DLGAP1: variants seen among roughly 807,000 people sequenced by gnomAD.
DLGAP1 encodes the protein disks large-associated protein 1.
In DLGAP1, 11 loss-of-function variants were observed where a neutral mutation model predicts 90.8. The observed-to-expected ratio is 0.12, with a 90% CI of 0.08 to 0.20. The LOEUF (loss-of-function observed/expected upper bound fraction) is 0.20, where lower values mean the gene tolerates loss of function less well. Ranked by LOEUF, DLGAP1 falls within the 10% of genes least tolerant of loss-of-function variation. The pLI is 1.00. For synonymous variants in DLGAP1, 558 were observed against 540.7 expected, an observed-to-expected ratio of 1.03 and a Z score of -0.44; for missense variants, 1,050 against 1,333.8, an observed-to-expected ratio of 0.79 and a Z score of 3.31.
rs77311335 is a variant in DLGAP1 at position 4,389,811 on chromosome 18, G to A, written c.-267+65195C>T. Among the ~76,000 whole-genome samples the A allele has an allele frequency of 2.6e-3, 392 of 152,214 alleles. 17 individuals carry two copies. The East Asian group carries it at 0.072, about 28-fold the overall frequency. On this transcript the variant is annotated intron_variant, in intron 1 of 12. Coordinates refer to ENST00000315677, the MANE Select transcript of DLGAP1 (RefSeq NM_004746.4). Reference sequence around the variant, plus strand: ...TATTCTGTGTCACGAGTTTGCTGTTGGCACACAATGACGTCTATTAAGATG... The same window carrying A: ...TATTCTGTGTCACGAGTTTGCTGTTAGCACACAATGACGTCTATTAAGATG...
chr18:3,640,746 A>G (rs1225739437), intron 7 of DLGAP1, among the ~76,000 whole-genome samples: 2 of 152,232 alleles, frequency 1.3e-5, no homozygotes, highest in African/African-American at 4.8e-5. Flanking sequence ...AGCAAACCTT[A>G]TGTCTGCTTA....
intron 1 of DLGAP1, among the ~76,000 whole-genome samples, chr18:4,227,098 A>G (rs2078207857): frequency 6.6e-6 from 1 of 152,056 alleles, no homozygotes; most frequent in Admixed American, 6.6e-5. Context: ...AAAACTATAA[A>G]AAAGAGAAAA....
At chr18:3,599,715 G>A (rs1388105098) in intron 7 of DLGAP1, among the ~76,000 whole-genome samples, 1 of 152,136 alleles carries the variant, frequency 6.6e-6, no homozygotes, top group Non-Finnish European at 1.5e-5. Flanking sequence ...CACCTCCCGG[G>A]TTCAAGCGAT....
intron 3 of DLGAP1, among the ~76,000 whole-genome samples, chr18:3,914,967 C>G (rs1331203686): frequency 6.6e-6 from 1 of 152,030 alleles, no homozygotes; most frequent in Non-Finnish European, 1.5e-5. Flanking sequence ...GGTTTTGGGC[C>G]CCTGGGCTCA....
chr18:4,279,812 AG>A (rs532979717), intron 1 of DLGAP1, among the ~76,000 whole-genome samples: 156 of 152,316 alleles, frequency 1.0e-3, no homozygotes, highest in African/African-American at 3.7e-3. Context: ...TCAATGTTTT[AG>A]TTTTCATTAA....
chr18:4,319,891 C>T (rs1186507819), intron 1 of DLGAP1, among the ~76,000 whole-genome samples: 3 of 152,164 alleles, frequency 2.0e-5, no homozygotes, highest in Non-Finnish European at 4.4e-5. Context: ...TTTGCCTCTT[C>T]TCTCCTCAAT....
intron 2 of DLGAP1, among the ~76,000 whole-genome samples, chr18:4,032,408 T>C (rs2149131604): frequency 6.6e-6 from 1 of 152,224 alleles, no homozygotes; most frequent in East Asian, 1.9e-4. Context: ...ACAGATACCT[T>C]GGTTTTTCCC....
chr18:3,757,179 G>A (rs1388455660), intron 5 of DLGAP1, among the ~76,000 whole-genome samples: 1 of 152,186 alleles, frequency 6.6e-6, no homozygotes, highest in East Asian at 1.9e-4. Context: ...GGAGGCCAAG[G>A]CAGGCAGATC....
intron 1 of DLGAP1, among the ~76,000 whole-genome samples, chr18:4,449,520 A>C (rs1379171197): frequency 6.6e-6 from 1 of 152,218 alleles, no homozygotes; most frequent in Non-Finnish European, 1.5e-5. Flanking sequence ...GCCCTTATGC[A>C]CTAAGAATAC....
At position 3,729,335 on chromosome 18, in the gene DLGAP1, C is replaced by A. The variant is rs1209140306; in HGVS notation, c.1391G>T (p.Cys464Phe). 1 of 1,613,954 alleles carries A rather than the reference C, an allele frequency of 6.2e-7. No homozygotes were observed. The highest frequency in any genetic ancestry group is 1.1e-5 in the South Asian group (1 of 91,066). Residue 464 changes from cysteine (C) to phenylalanine (F), a missense_variant, in exon 7 of 13, where the codon TGC (cysteine) becomes TTC (phenylalanine). By Grantham distance (205) the Cys-to-Phe change is radical. This residue lies in a region of DLGAP1 where 565 missense variants were observed against 879.7 expected (regional missense o/e 0.64). Coordinates refer to ENST00000315677, the MANE Select transcript of DLGAP1 (RefSeq NM_004746.4). This position sits in a 1 kb window ranked among gnomAD's most constrained non-coding sequence, Gnocchi z 6.2. ...MEVNGQFESV[C>F]ESVFSELESQ... ...CTCCAGCTCGCTGAACACGGACTCG[C>A]ACACGGACTCGAACTGCCCGTTCAC... is the stretch of plus-strand genomic sequence containing the variant.
At chr18:4,305,534 CAAAAA>C (rs562977821) in intron 1 of DLGAP1, among the ~76,000 whole-genome samples, 2 of 73,082 alleles carry the variant, frequency 2.7e-5, no homozygotes, top group Admixed American at 1.5e-4. Context: ...AACTCCGTCT[CAAAAA>C]AAAAAAAAAA....
At chr18:4,197,812 G>C (rs753400731) in intron 1 of DLGAP1, among the ~76,000 whole-genome samples, 2 of 152,120 alleles carry the variant, frequency 1.3e-5, no homozygotes, top group Admixed American at 6.5e-5. Flanking sequence ...AGATGAAGTA[G>C]GGAGAAATTA....
At chr18:4,363,189 A>G (rs2081667730) in intron 1 of DLGAP1, among the ~76,000 whole-genome samples, 1 of 152,188 alleles carries the variant, frequency 6.6e-6, no homozygotes, top group Non-Finnish European at 1.5e-5. Flanking sequence ...AAGCCTGGAA[A>G]TATGCACACA....
chr18:3,702,847 G>A (rs555363792), intron 7 of DLGAP1, among the ~76,000 whole-genome samples: 1 of 152,278 alleles, frequency 6.6e-6, no homozygotes, highest in Admixed American at 6.5e-5. Context: ...CAGCCACTCA[G>A]GTACAGGCAG....
At chr18:4,270,038 T>C (rs1240660036) in intron 1 of DLGAP1, among the ~76,000 whole-genome samples, 1 of 152,222 alleles carries the variant, frequency 6.6e-6, no homozygotes, top group East Asian at 1.9e-4. Flanking sequence ...TACAGTAGCA[T>C]AGTTTAAATG....
intron 1 of DLGAP1, among the ~76,000 whole-genome samples, chr18:4,217,077 T>G (rs555598477): frequency 7.9e-5 from 12 of 152,182 alleles, no homozygotes; most frequent in African/African-American, 2.9e-4. Flanking sequence ...ACCACTGATC[T>G]TTTTTCTGCC....
intron 5 of DLGAP1, among the ~76,000 whole-genome samples, chr18:3,810,950 TGCA>T (rs1306189731): frequency 2.0e-5 from 3 of 151,872 alleles, no homozygotes; most frequent in African/African-American, 7.3e-5. Context: ...GGACTACAGG[TGCA>T]CGCCGCCACA....
Position 4,189,247 on chromosome 18 carries a change from T to C in DLGAP1, c.-266-37960A>G, listed in dbSNP as rs113020728. ...TTTTCTTGGTAATTTCCAATTGTTGTTGATGTGATTTTTATTTTTATTTCA... is the reference window on the plus strand; with the variant it reads ...TTTTCTTGGTAATTTCCAATTGTTGCTGATGTGATTTTTATTTTTATTTCA... On this transcript the variant is annotated intron_variant, in intron 1 of 12. Coordinates refer to ENST00000315677, the MANE Select transcript of DLGAP1 (RefSeq NM_004746.4). Among the ~76,000 whole-genome samples, 691 of 152,264 alleles carry C rather than the reference T, an allele frequency of 4.5e-3. 6 individuals carry two copies. The highest frequency in any genetic ancestry group is 0.016 in the African/African-American group (670 of 41,572).
At chr18:4,220,543 A>G (rs961377095) in intron 1 of DLGAP1, among the ~76,000 whole-genome samples, 1 of 152,074 alleles carries the variant, frequency 6.6e-6, no homozygotes, top group East Asian at 1.9e-4. Context: ...AAGCAATTTG[A>G]CTATATTTTT....
Sources: allele counts gnomAD v4.1 joint callset (sites outside exome capture counted in the v4.1 genomes callset), GRCh38; gene constraint gnomAD v4.1.1; regional missense constraint gnomAD v4.1.1; non-coding constraint Gnocchi (gnomAD v3.1); transcripts MANE v1.5; gene names NCBI Gene and HGNC (gene_info 2026-07-23, HGNC 2026-07-21).